The following EPM2A variants were observed in gnomAD, a reference collection of about 807,000 sequenced individuals.
EPM2A encodes EPM2A glucan phosphatase, laforin.
Under a neutral mutation model 26.5 loss-of-function variants are expected in EPM2A, and 21 were observed. The ratio of observed to expected loss-of-function variants is 0.79; its 90% CI spans 0.56 to 1.14. EPM2A has a LOEUF of 1.14. Ranked by LOEUF, EPM2A falls within the 50% of genes most tolerant of loss-of-function variation. EPM2A has a pLI of 0.00. For missense variants in EPM2A, 458 were observed against 440.8 expected (o/e 1.04, Z -0.35); for synonymous variants, 217 against 177.6 (o/e 1.22, Z -1.76).
chr6:145,592,362 A>G (rs1781285941), intron 2 of EPM2A, among the ~76,000 whole-genome samples: 1 of 151,984 alleles, frequency 6.6e-6, no homozygotes, highest in Non-Finnish European at 1.5e-5. Flanking sequence ...ATGGCTGCAA[A>G]GTATTCCATG....
intron 4 of EPM2A, among the ~76,000 whole-genome samples, chr6:145,401,877 A>T (rs1778495133): frequency 6.6e-6 from 1 of 152,158 alleles, no homozygotes; most frequent in Non-Finnish European, 1.5e-5. Flanking sequence ...TGAGTAAAAT[A>T]ATAATTAGTG....
At chr6:145,496,532 C>T (rs778611877) in intron 4 of EPM2A, among the ~76,000 whole-genome samples, 1 of 152,036 alleles carries the variant, frequency 6.6e-6, no homozygotes, top group Non-Finnish European at 1.5e-5. Context: ...CCTTTTCATT[C>T]TTTCTTCTCT....
At chr6:145,618,585 T>C (rs1775564590) in intron 2 of EPM2A, among the ~76,000 whole-genome samples, 1 of 152,222 alleles carries the variant, frequency 6.6e-6, no homozygotes, top group Admixed American at 6.5e-5. Flanking sequence ...TACAAGGCTT[T>C]TCCCCCTTTT....
At chr6:145,540,680 A>G (rs1358033721) in intron 2 of EPM2A, among the ~76,000 whole-genome samples, 1 of 152,172 alleles carries the variant, frequency 6.6e-6, no homozygotes, top group Non-Finnish European at 1.5e-5. Context: ...TTTTTAGGGA[A>G]ATTTGTCTTT....
chr6:145,733,836 A>C (rs1776642819), intron 1 of EPM2A, among the ~76,000 whole-genome samples: 1 of 152,174 alleles, frequency 6.6e-6, no homozygotes, highest in Non-Finnish European at 1.5e-5. Flanking sequence ...TTGTTTCTAC[A>C]TCATTACAGG....
At chr6:145,457,161 A>T (rs1461859956) in intron 4 of EPM2A, among the ~76,000 whole-genome samples, 2 of 152,164 alleles carry the variant, frequency 1.3e-5, no homozygotes, top group East Asian at 3.8e-4. Context: ...AATTTGCCCA[A>T]AGTTTTTCTG....
At chr6:145,689,462 C>T (rs1781136442) in intron 1 of EPM2A, among the ~76,000 whole-genome samples, 1 of 152,142 alleles carries the variant, frequency 6.6e-6, no homozygotes. Context: ...ACAGACTATC[C>T]AGGGACACTG....
chr6:145,734,244 T>C (rs1417573697), intron 1 of EPM2A, among the ~76,000 whole-genome samples: 1 of 152,186 alleles, frequency 6.6e-6, no homozygotes, highest in Non-Finnish European at 1.5e-5. Context: ...CCATTTAAAA[T>C]ATACATCTAC....
chr6:145,406,786 C>T (rs1232300763), intron 4 of EPM2A, among the ~76,000 whole-genome samples: 1 of 152,146 alleles, frequency 6.6e-6, no homozygotes, highest in Non-Finnish European at 1.5e-5. Flanking sequence ...ATTGACCCCA[C>T]CAACAACATC....
At chr6:145,517,406 G>A (rs947455563) in intron 2 of EPM2A, among the ~76,000 whole-genome samples, 1 of 151,964 alleles carries the variant, frequency 6.6e-6, no homozygotes. Flanking sequence ...AACAAAAAGG[G>A]TCACCTCAGG....
At chr6:145,408,603 C>T (rs942740021) in intron 4 of EPM2A, among the ~76,000 whole-genome samples, 1 of 152,136 alleles carries the variant, frequency 6.6e-6, no homozygotes, top group Non-Finnish European at 1.5e-5. Context: ...CTACCTCATC[C>T]CAGTTAAGTC....
chr6:145,599,716 T>C (rs1193617240), intron 2 of EPM2A, among the ~76,000 whole-genome samples: 1 of 152,044 alleles, frequency 6.6e-6, no homozygotes, highest in Non-Finnish European at 1.5e-5. Flanking sequence ...CTCATTAGAT[T>C]CTGCTTTACA....
At chr6:145,701,851 C>T (rs1167631668) in intron 1 of EPM2A, among the ~76,000 whole-genome samples, 2 of 152,122 alleles carry the variant, frequency 1.3e-5, no homozygotes, top group Non-Finnish European at 1.5e-5. Context: ...TTAAACAAGT[C>T]AGCAGTAAAA....
chr6:145,646,816 C>T (rs1777506818), intron 2 of EPM2A, among the ~76,000 whole-genome samples: 1 of 152,072 alleles, frequency 6.6e-6, no homozygotes, highest in Non-Finnish European at 1.5e-5. Context: ...AACTCATCTT[C>T]ATTCTCTCCT....
rs761037274 is a variant in EPM2A at position 145,627,380 on chromosome 6, A to T, written c.*36T>A. 3 of 1,612,942 alleles carry T rather than the reference A, an allele frequency of 1.9e-6. No individual in the cohort carries two copies. In the African/African-American group the frequency reaches 4.0e-5, roughly 22 times the overall value. ...TGACCAACATCATCCCAGGCTCCTT[A>T]GGGAAATCAGGAGGGGGCAGAAGCA... On this transcript the variant is annotated 3_prime_UTR_variant, in exon 4 of 4. Transcript: ENST00000367519.
At chr6:145,717,419 C>A (rs978956290) in intron 1 of EPM2A, among the ~76,000 whole-genome samples, 3 of 152,138 alleles carry the variant, frequency 2.0e-5, no homozygotes, top group African/African-American at 4.8e-5. Flanking sequence ...ATTCAACAAC[C>A]CTTCATGCTA....
chr6:145,581,692 TTTCATTCTGCCTACA>T (rs1781116621), intron 2 of EPM2A, among the ~76,000 whole-genome samples: 3 of 152,158 alleles, frequency 2.0e-5, no homozygotes, highest in Admixed American at 2.0e-4. Flanking sequence ...AGGGGTCCAG[TTTCATTCTGCCTACA>T]ACTGGCCAGT....
intron 4 of EPM2A, among the ~76,000 whole-genome samples, chr6:145,479,717 T>C (rs998705563): frequency 3.9e-5 from 6 of 152,110 alleles, no homozygotes; most frequent in Non-Finnish European, 5.9e-5. Flanking sequence ...GCAATGAATA[T>C]TGGCATACAA....
chr6:145,477,428 G>A (rs566809293), intron 4 of EPM2A, among the ~76,000 whole-genome samples: 1 of 151,876 alleles, frequency 6.6e-6, no homozygotes, highest in South Asian at 2.1e-4. Flanking sequence ...GTCATTCTAT[G>A]AGTCCAGTAT....
Sources: gnomAD v4.1 joint callset for allele counts (sites outside exome capture counted in the v4.1 genomes callset) on GRCh38, gnomAD v4.1.1 for gene constraint, MANE v1.5 for transcripts, NCBI Gene and HGNC (gene_info 2026-07-23, HGNC 2026-07-21) for gene names.